Variants in RIOK2 observed in about 807,000 individuals in gnomAD.
RIOK2 encodes serine/threonine-protein kinase RIO2.
In RIOK2, 46 loss-of-function variants were observed where a neutral mutation model predicts 62.4. That is an observed-to-expected ratio of 0.74 (90% CI 0.58 to 0.94). The LOEUF is 0.94. Ranked by LOEUF, RIOK2 falls within the 40% of genes least tolerant of loss-of-function variation. RIOK2 has a pLI of 0.00. For synonymous variants in RIOK2, 197 were observed against 216.0 expected, an observed-to-expected ratio of 0.91 and a Z score of 0.77; for missense variants, 574 against 658.0, an observed-to-expected ratio of 0.87 and a Z score of 1.40.
intron 5 of RIOK2, among the ~76,000 whole-genome samples, chr5:97,172,385 C>T (rs1749034359): frequency 6.6e-6 from 1 of 152,150 alleles, no homozygotes; most frequent in Non-Finnish European, 1.5e-5. Context: ...GGGGAAAAAC[C>T]TTGGTGTCAC....
In RIOK2 at chr5:97,162,870, G is replaced by GA. The variant is rs1395415833; in HGVS notation, c.*190dup. ...TAACTGTAGTTACCCAAATTACTTT[G>GA]AAAAAAATGGACTGCTTTGGCAGGT... is the stretch of plus-strand genomic sequence containing the variant. On this transcript the variant is annotated 3_prime_UTR_variant, in exon 10 of 10. Coordinates refer to ENST00000283109, the MANE Select transcript of RIOK2 (RefSeq NM_018343.3). 1.0e-5 allele frequency: 5 copies of GA among 501,350 alleles called. No homozygotes were observed. Among genetic ancestry groups the GA allele is most frequent in the South Asian group, 6.8e-5 (2 of 29,432 alleles). The allele number at this position is 501,350 out of a possible 1,614,324, so 31.1% of individuals were successfully genotyped here. A position where few individuals can be genotyped will look rare whatever the true frequency, so the allele number is the denominator to read the frequency against.
At position 97,168,992 on chromosome 5, in the gene RIOK2, G is replaced by C. The variant is rs1748922175; in HGVS notation, c.780-140C>G. 3.2e-5 allele frequency: 16 copies of C among 505,106 alleles called. No individual in the cohort carries two copies. The South Asian group carries it at 6.3e-4, about 20-fold the overall frequency. The allele number at this position is 505,106 out of a possible 1,614,324, so 31.3% of individuals were successfully genotyped here. On this transcript the variant is annotated intron_variant, in intron 6 of 9. Coordinates refer to ENST00000283109, the MANE Select transcript of RIOK2 (RefSeq NM_018343.3). Reference sequence around the variant, plus strand: ...AAAAGATGTTACACAAAAGAAAAAAGATACAAATGAGTTAACCAGTGTGTT... The same window carrying C: ...AAAAGATGTTACACAAAAGAAAAAACATACAAATGAGTTAACCAGTGTGTT...
chr5:97,180,658 T>C lies in RIOK2; in HGVS notation c.67-1465A>G, dbSNP rs192323550. Among the ~76,000 whole-genome samples, 9 of 152,240 alleles carry C rather than the reference T, an allele frequency of 5.9e-5. No homozygotes were observed. In the East Asian group the frequency reaches 9.7e-4, roughly 16 times the overall value. ...ATTAATGTACCAGGAATATGCAAAT[T>C]GGCTTAGAGATGGCAAAATCTGAGG... On this transcript the variant is annotated intron_variant, in intron 1 of 9. Coordinates refer to ENST00000283109, the MANE Select transcript of RIOK2 (RefSeq NM_018343.3).
intron 4 of RIOK2, among the ~76,000 whole-genome samples, chr5:97,175,439 T>C (rs1403709432): frequency 6.6e-6 from 1 of 152,208 alleles, no homozygotes; most frequent in Non-Finnish European, 1.5e-5. Context: ...TTATGAATAA[T>C]CAATACATTA....
chr5:97,163,734 C>A (rs1289511936), intron 9 of RIOK2, among the ~76,000 whole-genome samples: 3 of 152,154 alleles, frequency 2.0e-5, no homozygotes, highest in African/African-American at 7.2e-5. Flanking sequence ...ACATGACTTA[C>A]AAGATGAATA....
intron 2 of RIOK2, among the ~76,000 whole-genome samples, chr5:97,178,425 T>TTTC (rs1749233332): frequency 3.4e-5 from 1 of 29,744 alleles, no homozygotes. Flanking sequence ...CCTACATGCT[T>TTTC]TTCTGCAGTA....
At chr5:97,175,196 A>C (rs913698504) in intron 4 of RIOK2, among the ~76,000 whole-genome samples, 4 of 152,238 alleles carry the variant, frequency 2.6e-5, no homozygotes, top group African/African-American at 9.6e-5. Context: ...AATTAATTTC[A>C]AAAGGTTGTC....
intron 7 of RIOK2, 101 bp downstream of exon 7, chr5:97,168,659 C>A: frequency 1.4e-6 from 1 of 734,642 alleles, no homozygotes; most frequent in South Asian, 2.6e-5. Flanking sequence ...GATTACGTGT[C>A]AAAATTTGGA....
At chr5:97,178,545 T>G (rs545212985) in intron 2 of RIOK2, among the ~76,000 whole-genome samples, 63 of 151,094 alleles carry the variant, frequency 4.2e-4, no homozygotes, top group African/African-American at 1.5e-3. Flanking sequence ...ATGCAGTACC[T>G]ACGTGCTCTT....
chr5:97,176,013 G>C (rs1048068122), intron 4 of RIOK2: 2 of 152,128 alleles, frequency 1.3e-5, no homozygotes, highest in African/African-American at 4.8e-5. Flanking sequence ...CCAATATTTG[G>C]GGAAACTGCA....
intron 2 of RIOK2, chr5:97,178,766 C>G: frequency 9.9e-6 from 4 of 405,344 alleles, no homozygotes; most frequent in South Asian, 9.2e-5. Context: ...ACATGCTCTT[C>G]TGCAGTACTC....
chr5:97,182,474 T>C (rs1020893033), intron 1 of RIOK2, among the ~76,000 whole-genome samples: 1 of 152,170 alleles, frequency 6.6e-6, no homozygotes, highest in South Asian at 2.1e-4. Flanking sequence ...TATTCCCCCA[T>C]TCATTCTTTC....
At chr5:97,180,615 C>G (rs747635589) in intron 1 of RIOK2, among the ~76,000 whole-genome samples, 1 of 152,042 alleles carries the variant, frequency 6.6e-6, no homozygotes, top group Non-Finnish European at 1.5e-5. Flanking sequence ...GACACACGAA[C>G]AGGGTTATTT....
At chr5:97,183,007 G>A (rs1749465894) in intron 1 of RIOK2, 119 bp downstream of exon 1, 2 of 1,088,540 alleles carry the variant, frequency 1.8e-6, no homozygotes, top group South Asian at 2.5e-5. Flanking sequence ...TCCATTCCCA[G>A]CTTCTGCCAC....
At chr5:97,182,269 TA>T (rs1420593562) in intron 1 of RIOK2, among the ~76,000 whole-genome samples, 1 of 152,210 alleles carries the variant, frequency 6.6e-6, no homozygotes, top group Non-Finnish European at 1.5e-5. Context: ...CTGTAGTACA[TA>T]ATTTCTCACC....
rs757434938 is a variant in RIOK2 at position 97,168,806 on chromosome 5, G to A, written c.826C>T (p.Arg276Cys). Residue 276 changes from arginine (R) to cysteine (C), a missense_variant, in exon 7 of 10, where the codon CGT (arginine) becomes TGT (cysteine). Transcript: ENST00000283109. ...VKCIKDFFMK[R>C]FSYESELFPT... ...AAAAGCTCACTTTCGTAGCTGAAAC[G>A]TTTCATAAAGAAATCTTTAATGCAT... 20 of 1,600,736 alleles carry A rather than the reference G, an allele frequency of 1.2e-5. No individual in the cohort carries two copies. In the East Asian group the frequency reaches 1.6e-4, roughly 13 times the overall value.
chr5:97,174,546 C>A (rs568487099), intron 4 of RIOK2, among the ~76,000 whole-genome samples: 64 of 152,232 alleles, frequency 4.2e-4, no homozygotes, highest in African/African-American at 1.5e-3. Flanking sequence ...CTCTCCAATA[C>A]ACACCAAGAA....
chr5:97,167,246 T>G, intron 8 of RIOK2: 1 of 1,413,998 alleles, frequency 7.1e-7, no homozygotes, highest in Non-Finnish European at 9.2e-7. Context: ...TAAGGCAGAA[T>G]TACTTGAAAT....
intron 1 of RIOK2, among the ~76,000 whole-genome samples, chr5:97,180,238 G>A (rs1341016747): frequency 6.8e-6 from 1 of 147,110 alleles, no homozygotes; most frequent in Non-Finnish European, 1.5e-5. Flanking sequence ...TTTATTAGAA[G>A]TTAAGAAGTG....
Sources: gnomAD v4.1 joint callset for allele counts (sites outside exome capture counted in the v4.1 genomes callset) on GRCh38, gnomAD v4.1.1 for gene constraint, MANE v1.5 for transcripts, NCBI Gene and HGNC (gene_info 2026-07-23, HGNC 2026-07-21) for gene names.